Variants in BANK1 observed in about 807,000 individuals in gnomAD.
The protein encoded by BANK1 is B-cell scaffold protein with ankyrin repeats.
Under a neutral mutation model 94.5 loss-of-function variants are expected in BANK1, and 95 were observed. The ratio of observed to expected loss-of-function variants is 1.00; its 90% CI spans 0.85 to 1.19. The LOEUF (loss-of-function observed/expected upper bound fraction) is 1.19, where lower values mean the gene tolerates loss of function less well. Among genes scored for constraint, BANK1 ranks in the 50% most tolerant of loss-of-function variants. The pLI, the probability that BANK1 is intolerant of heterozygous loss-of-function variation, is 0.00. For missense variants in BANK1, 987 were observed against 932.2 expected (o/e 1.06, Z -0.77); for synonymous variants, 334 against 308.4 (o/e 1.08, Z -0.87).
intron 5 of BANK1, among the ~76,000 whole-genome samples, chr4:101,887,804 A>G (rs892199509): frequency 3.3e-5 from 5 of 152,204 alleles, no homozygotes; most frequent in South Asian, 2.1e-4. Context: ...ATTCAAAGAA[A>G]TGATTCATTC....
intron 13 of BANK1, among the ~76,000 whole-genome samples, chr4:102,065,539 A>T (rs1281760234): frequency 6.6e-6 from 1 of 152,168 alleles, no homozygotes; most frequent in Non-Finnish European, 1.5e-5. Context: ...AAAAGAAGAC[A>T]TACAAAGATA....
At chr4:102,001,202 T>C (rs1726057419) in intron 7 of BANK1, among the ~76,000 whole-genome samples, 2 of 152,238 alleles carry the variant, frequency 1.3e-5, no homozygotes, top group Admixed American at 1.3e-4. Flanking sequence ...TTCCCTGGCA[T>C]GGGGACACTT....
At chr4:101,972,444 T>C (rs1357555138) in intron 7 of BANK1, 1 of 152,096 alleles carries the variant, frequency 6.6e-6, no homozygotes, top group African/African-American at 2.4e-5. Context: ...GACCTTATTA[T>C]TGAAACTGCA....
chr4:102,039,378 C>T (rs796679749), intron 10 of BANK1, among the ~76,000 whole-genome samples: 59 of 152,250 alleles, frequency 3.9e-4, no homozygotes, highest in African/African-American at 1.3e-3. Flanking sequence ...TTCCTCTAAG[C>T]TTCAGATTAA....
At chr4:102,000,902 CTG>C (rs1726046744) in intron 7 of BANK1, among the ~76,000 whole-genome samples, 1 of 152,156 alleles carries the variant, frequency 6.6e-6, no homozygotes, top group African/African-American at 2.4e-5. Flanking sequence ...GTGACCTGCA[CTG>C]TGTTTTGTGT....
intron 5 of BANK1, among the ~76,000 whole-genome samples, chr4:101,881,062 AC>A (rs1728659579): frequency 6.6e-6 from 1 of 152,128 alleles, no homozygotes; most frequent in Non-Finnish European, 1.5e-5. Context: ...CAAAGCAAAA[AC>A]GGACAAATAT....
chr4:101,923,330 T>C (rs1448801540), intron 7 of BANK1, among the ~76,000 whole-genome samples: 4 of 151,804 alleles, frequency 2.6e-5, no homozygotes, highest in Non-Finnish European at 4.4e-5. Flanking sequence ...CATAGACATA[T>C]AGTTTTGTAT....
chr4:101,919,456 T>C (rs1377569190), intron 7 of BANK1, among the ~76,000 whole-genome samples: 1 of 151,996 alleles, frequency 6.6e-6, no homozygotes, highest in East Asian at 1.9e-4. Flanking sequence ...TGACAGTAGA[T>C]ATGAAAGTAA....
intron 7 of BANK1, among the ~76,000 whole-genome samples, chr4:101,991,128 T>G (rs1725692854): frequency 6.6e-6 from 1 of 152,192 alleles, no homozygotes; most frequent in Non-Finnish European, 1.5e-5. Flanking sequence ...GTCATGTAAC[T>G]CACCAAACCC....
chr4:102,047,777 T>G (rs1727932776), intron 11 of BANK1, among the ~76,000 whole-genome samples: 1 of 152,018 alleles, frequency 6.6e-6, no homozygotes. Context: ...GAAGAGATCC[T>G]TGGAATGTTT....
intron 12 of BANK1, chr4:102,062,857 T>C (rs1350151594): frequency 1.4e-5 from 7 of 493,978 alleles, no homozygotes; most frequent in Non-Finnish European, 2.6e-5. Flanking sequence ...AGTTTCCATA[T>C]CTACAACATG....
At chr4:102,061,322 C>T (rs146585419) in intron 12 of BANK1, 2 of 152,266 alleles carry the variant, frequency 1.3e-5, no homozygotes, top group African/African-American at 4.8e-5. Context: ...TGAGATCATG[C>T]CTTGTTAGAA....
At chr4:102,033,582 A>T (rs1423838681) in intron 10 of BANK1, among the ~76,000 whole-genome samples, 1 of 152,250 alleles carries the variant, frequency 6.6e-6, no homozygotes, top group African/African-American at 2.4e-5. Flanking sequence ...ACGTAGAAAC[A>T]TTAAAGAATC....
chr4:101,847,770 C>CAA (rs1352752672), intron 2 of BANK1, among the ~76,000 whole-genome samples: 1 of 148,334 alleles, frequency 6.7e-6, no homozygotes, highest in Non-Finnish European at 1.5e-5. Context: ...CACACACACA[C>CAA]ACACATATGT....
At chr4:102,067,232 G>A (rs556755982) in intron 13 of BANK1, among the ~76,000 whole-genome samples, 5 of 152,066 alleles carry the variant, frequency 3.3e-5, no homozygotes, top group Admixed American at 2.0e-4. Context: ...AAGCAGGAAA[G>A]TAGAAAAAGA....
At chr4:101,816,182 T>C (rs1422564829) in intron 1 of BANK1, among the ~76,000 whole-genome samples, 1 of 152,216 alleles carries the variant, frequency 6.6e-6, no homozygotes, top group Non-Finnish European at 1.5e-5. Flanking sequence ...AGGCTTGTTA[T>C]GCAGGTATAA....
At chr4:101,890,503 A>G (rs1447037524) in intron 5 of BANK1, among the ~76,000 whole-genome samples, 2 of 150,414 alleles carry the variant, frequency 1.3e-5, no homozygotes, top group Non-Finnish European at 3.0e-5. Flanking sequence ...TAATTTTTGC[A>G]TGCTATATCT....
rs536537179 is a variant in BANK1 at position 101,976,408 on chromosome 4, A to G, written c.1207-45106A>G. On this transcript the variant is annotated intron_variant, in intron 7 of 16. Coordinates refer to ENST00000322953, the MANE Select transcript of BANK1 (RefSeq NM_017935.5). ...GGCAAAGAATACACAAAAATAATAC[A>G]CAAAAAGATGGCTGAAGAGATTTTG... is the stretch of plus-strand genomic sequence containing the variant. Among the ~76,000 whole-genome samples, 181 of 152,272 alleles carry G rather than the reference A, an allele frequency of 1.2e-3. 1 individual carries two copies. The highest frequency in any genetic ancestry group is 3.8e-3 in the African/African-American group (160 of 41,564).
intron 3 of BANK1, among the ~76,000 whole-genome samples, chr4:101,856,236 A>G (rs1423124899): frequency 6.6e-6 from 1 of 152,128 alleles, no homozygotes; most frequent in African/African-American, 2.4e-5. Context: ...AAGCAGAAGA[A>G]TTGCTGTTTT....
Sources: allele counts gnomAD v4.1 joint callset (sites outside exome capture counted in the v4.1 genomes callset), GRCh38; gene constraint gnomAD v4.1.1; transcripts MANE v1.5; gene names NCBI Gene and HGNC (gene_info 2026-07-23, HGNC 2026-07-21).